The following IPCEF1 variants were observed in gnomAD, a reference collection of about 807,000 sequenced individuals.
IPCEF1 encodes interactor protein for cytohesin exchange factors 1.
Under a neutral mutation model 50.9 loss-of-function variants are expected in IPCEF1, and 31 were observed. The observed-to-expected ratio is 0.61, with a 90% CI of 0.46 to 0.82. The LOEUF (loss-of-function observed/expected upper bound fraction) is 0.82. IPCEF1 is among the 40% of genes least tolerant of loss of function. IPCEF1 has a pLI of 0.00. For missense variants in IPCEF1, 458 were observed against 514.0 expected, an observed-to-expected ratio of 0.89 and a Z score of 1.05; for synonymous variants, 181 against 192.0, an observed-to-expected ratio of 0.94 and a Z score of 0.47.
intron 1 of IPCEF1, chr6:154,329,942 G>T (rs1467755703): frequency 6.6e-6 from 1 of 152,340 alleles, no homozygotes; most frequent in Non-Finnish European, 1.5e-5. Flanking sequence ...GCCCCACTCT[G>T]GCCTCCGTGC....
intron 7 of IPCEF1, among the ~76,000 whole-genome samples, chr6:154,216,226 T>G (rs1339769081): frequency 6.6e-6 from 1 of 151,916 alleles, no homozygotes; most frequent in Non-Finnish European, 1.5e-5. Context: ...AATAAGAAAA[T>G]GGATAAATAA....
chr6:154,246,931 A>T (rs1781090988), intron 4 of IPCEF1, 171 bp from the exon 5 acceptor site: 1 of 413,906 alleles, frequency 2.4e-6, no homozygotes, highest in African/African-American at 3.0e-5. Context: ...ATGCAAAACC[A>T]ATGCAAAAAA....
At chr6:154,246,782 G>A in intron 4 of IPCEF1, 22 bp from the exon 5 acceptor site, 2 of 1,612,076 alleles carry the variant, frequency 1.2e-6, no homozygotes, top group Non-Finnish European at 1.7e-6. Flanking sequence ...ACATGAAGAG[G>A]TAGATAATGT....
At chr6:154,184,567 A>C (rs1231786057) in intron 10 of IPCEF1, among the ~76,000 whole-genome samples, 1 of 152,162 alleles carries the variant, frequency 6.6e-6, no homozygotes, top group Non-Finnish European at 1.5e-5. Flanking sequence ...GCATTGGTAC[A>C]TAGAAAAAAT....
In IPCEF1 at chr6:154,168,100, C is replaced by T. The variant is rs780017452; in HGVS notation, c.924G>A (p.Val308=). The T allele has an allele frequency of 4.5e-6, 7 of 1,546,274 alleles. No individual in the cohort carries two copies. Among genetic ancestry groups the T allele is most frequent in the South Asian group, 1.2e-5 (1 of 80,664 alleles). ...GCTTCTCCATTTCATCATCTTCAGA[C>T]ACTTTTGTCTCTTCTATTTGAAAAA... The part of the protein sequence containing the change: ...SKIMDKEETK[V]SEDDEMEKLY... Residue 308 remains valine (V), a synonymous_variant, in exon 11 of 12, where the codon GTG becomes GTA. Coordinates refer to ENST00000367220, the MANE Select transcript of IPCEF1 (RefSeq NM_001130700.2). This position sits in a 1 kb window ranked among gnomAD's most constrained non-coding sequence, Gnocchi z 4.1.
At chr6:154,198,422 T>G (rs1472644669) in intron 10 of IPCEF1, among the ~76,000 whole-genome samples, 1 of 152,116 alleles carries the variant, frequency 6.6e-6, no homozygotes, top group Non-Finnish European at 1.5e-5. Context: ...AATAGGTTGG[T>G]TTGCCAGACT....
Position 154,319,892 on chromosome 6 carries a change from G to A in IPCEF1, c.-61-30136C>T, listed in dbSNP as rs530902148. ...GCTTTCAAGAGGTCTCTTAATCATC[G>A]CTGTATCCCCAAAATTTTAAATCAC... On this transcript the variant is annotated intron_variant, in intron 1 of 11. Coordinates refer to ENST00000367220, the MANE Select transcript of IPCEF1 (RefSeq NM_001130700.2). Among the ~76,000 whole-genome samples, 70 of 152,172 alleles carry A rather than the reference G, an allele frequency of 4.6e-4. 1 individual carries two copies. Among genetic ancestry groups the A allele is most frequent in the Non-Finnish European group, 1.2e-4 (8 of 68,008 alleles).
chr6:154,260,150 G>A (rs1298949358), intron 3 of IPCEF1, among the ~76,000 whole-genome samples: 1 of 152,158 alleles, frequency 6.6e-6, no homozygotes, highest in Non-Finnish European at 1.5e-5. Context: ...AACACAGCAA[G>A]TACCAGTTTG....
chr6:154,317,167 T>A (rs1256991281), intron 1 of IPCEF1, among the ~76,000 whole-genome samples: 1 of 152,116 alleles, frequency 6.6e-6, no homozygotes, highest in East Asian at 1.9e-4. Flanking sequence ...AAAATATTCA[T>A]CAAACATGTG....
intron 6 of IPCEF1, 96 bp downstream of exon 6, chr6:154,223,074 C>A: frequency 1.0e-6 from 1 of 960,426 alleles, no homozygotes; most frequent in Non-Finnish European, 1.7e-6. Flanking sequence ...TCCGATGTTA[C>A]CTTCACTCAC....
intron 1 of IPCEF1, among the ~76,000 whole-genome samples, chr6:154,339,357 CA>C (rs1457877530): frequency 2.0e-5 from 3 of 151,862 alleles, no homozygotes; most frequent in Non-Finnish European, 4.4e-5. Flanking sequence ...CATGAATTCT[CA>C]AAATAGTGTA....
chr6:154,187,335 G>A (rs2128576483), intron 10 of IPCEF1, among the ~76,000 whole-genome samples: 1 of 152,130 alleles, frequency 6.6e-6, no homozygotes, highest in South Asian at 2.1e-4. Flanking sequence ...TCTATCATAC[G>A]TGCTGTTTCC....
intron 3 of IPCEF1, among the ~76,000 whole-genome samples, chr6:154,260,715 C>T (rs1338286247): frequency 6.6e-6 from 1 of 152,126 alleles, no homozygotes; most frequent in African/African-American, 2.4e-5. Flanking sequence ...TCGTGATCCA[C>T]CTGTCTCGGC....
chr6:154,234,874 T>C (rs1430232843), intron 5 of IPCEF1, among the ~76,000 whole-genome samples: 1 of 152,216 alleles, frequency 6.6e-6, no homozygotes, highest in East Asian at 1.9e-4. Flanking sequence ...AAACCTCAAA[T>C]TTAAAAGAAT....
chr6:154,202,768 A>G (rs1325159900), intron 9 of IPCEF1, among the ~76,000 whole-genome samples: 1 of 152,284 alleles, frequency 6.6e-6, no homozygotes, highest in East Asian at 1.9e-4. Flanking sequence ...CTATGACTCA[A>G]ACACAGTGCA....
chr6:154,255,792 T>C (rs947460351), intron 3 of IPCEF1, among the ~76,000 whole-genome samples: 58 of 152,278 alleles, frequency 3.8e-4, no homozygotes, highest in African/African-American at 1.4e-3. Context: ...TTTGAAAGTG[T>C]CCAATGTTTA....
intron 10 of IPCEF1, among the ~76,000 whole-genome samples, chr6:154,171,261 T>A (rs572131659): frequency 8.5e-5 from 13 of 152,340 alleles, no homozygotes; most frequent in African/African-American, 3.1e-4. Flanking sequence ...GGCATTTGCA[T>A]GTGACAGAAT....
At chr6:154,253,055 T>A (rs1781375559) in intron 3 of IPCEF1, among the ~76,000 whole-genome samples, 1 of 152,216 alleles carries the variant, frequency 6.6e-6, no homozygotes. Context: ...TCTTTCTGCC[T>A]TTTTTCTTTT....
intron 3 of IPCEF1, among the ~76,000 whole-genome samples, chr6:154,255,163 A>G (rs1001908644): frequency 6.6e-6 from 1 of 152,048 alleles, no homozygotes; most frequent in Non-Finnish European, 1.5e-5. Context: ...TCTTTCTTTC[A>G]TTTATCATAT....
Sources: allele counts gnomAD v4.1 joint callset (sites outside exome capture counted in the v4.1 genomes callset), GRCh38; gene constraint gnomAD v4.1.1; non-coding constraint Gnocchi (gnomAD v3.1); transcripts MANE v1.5; gene names NCBI Gene and HGNC (gene_info 2026-07-23, HGNC 2026-07-21).